STXBP5L: variants seen among roughly 807,000 people sequenced by gnomAD.
STXBP5L encodes the protein syntaxin binding protein 5L, also known as syntaxin-binding protein 5-like.
Under a neutral mutation model 144.5 loss-of-function variants are expected in STXBP5L, and 65 were observed. The ratio of observed to expected loss-of-function variants is 0.45; its 90% confidence interval spans 0.37 to 0.55. The LOEUF (loss-of-function observed/expected upper bound fraction) is 0.55, where lower values mean the gene tolerates loss of function less well. STXBP5L is among the 20% of genes least tolerant of loss of function. The pLI is 0.00. For synonymous variants in STXBP5L, 505 were observed against 469.6 expected, an observed-to-expected ratio of 1.08 and a Z score of -0.97; for missense variants, 1,298 against 1,405.5, an observed-to-expected ratio of 0.92 and a Z score of 1.22.
rs3863971 is a variant in STXBP5L, at chr3:121,036,772, ATTTT to A, written c.288-4911_288-4908del. ...TTGATAGGATGACTTACATTGATTG[ATTTT>A]TTTTTTTTTTTTTTTTATTATACTC... On this transcript the variant is annotated intron_variant, in intron 3 of 26. Coordinates refer to ENST00000471454, the MANE Select transcript of STXBP5L (RefSeq NM_001308330.2). 5.4e-3 allele frequency among the ~76,000 whole-genome samples: 664 copies of A among 122,180 alleles called. 2 individuals carry two copies. Among genetic ancestry groups the A allele is most frequent in the Middle Eastern group, 0.018 (4 of 226 alleles). 80.2% of individuals were successfully genotyped at this position (122,180 alleles called of 152,430 possible).
intron 20 of STXBP5L, among the ~76,000 whole-genome samples, chr3:121,329,239 G>A (rs187593086): frequency 6.6e-6 from 1 of 152,080 alleles, no homozygotes. Flanking sequence ...TTAAAAGATT[G>A]CTTTTTGAAA....
intron 9 of STXBP5L, among the ~76,000 whole-genome samples, chr3:121,185,720 G>A (rs191020771): frequency 3.3e-5 from 5 of 152,298 alleles, no homozygotes; most frequent in Admixed American, 3.3e-4. Context: ...ATAGTTCAAA[G>A]TCAGGTAGCA....
intron 2 of STXBP5L, among the ~76,000 whole-genome samples, chr3:120,943,214 A>G (rs1281062214): frequency 1.3e-5 from 2 of 151,766 alleles, no homozygotes; most frequent in South Asian, 2.1e-4. Context: ...AAAACAAACA[A>G]TCAGAATTAC....
At chr3:121,086,898 T>G (rs2042524702) in intron 5 of STXBP5L, among the ~76,000 whole-genome samples, 1 of 152,094 alleles carries the variant, frequency 6.6e-6, no homozygotes, top group Non-Finnish European at 1.5e-5. Context: ...TAAAATCACC[T>G]AATGATGCAT....
intron 5 of STXBP5L, among the ~76,000 whole-genome samples, chr3:121,079,185 GA>G (rs570452352): frequency 0.013 from 2,031 of 152,384 alleles, 20 homozygotes; most frequent in Non-Finnish European, 0.018. Context: ...CATATGTCCA[GA>G]AAGTCTGAGC....
intron 2 of STXBP5L, among the ~76,000 whole-genome samples, chr3:120,941,634 T>G (rs1190861423): frequency 6.6e-6 from 1 of 151,820 alleles, no homozygotes; most frequent in Non-Finnish European, 1.5e-5. Context: ...TTTATTACAA[T>G]TATTTACCTT....
At chr3:121,256,588 C>T (rs984314338) in intron 16 of STXBP5L, among the ~76,000 whole-genome samples, 2 of 151,596 alleles carry the variant, frequency 1.3e-5, no homozygotes, top group Non-Finnish European at 1.5e-5. Context: ...AAATAAACAA[C>T]CAAAAATATG....
intron 5 of STXBP5L, among the ~76,000 whole-genome samples, chr3:121,054,787 C>T (rs896751801): frequency 8.2e-5 from 9 of 110,336 alleles, no homozygotes; most frequent in Non-Finnish European, 1.1e-4. Flanking sequence ...TTTTTCTTTA[C>T]CAGTAAAATA....
At chr3:121,051,959 G>A (rs1342276645) in intron 5 of STXBP5L, among the ~76,000 whole-genome samples, 4 of 152,156 alleles carry the variant, frequency 2.6e-5, no homozygotes, top group Admixed American at 1.3e-4. Context: ...ACACCTCTAT[G>A]GAAATAAACT....
At chr3:121,217,870 C>T (rs765508423) in intron 10 of STXBP5L, among the ~76,000 whole-genome samples, 5 of 151,352 alleles carry the variant, frequency 3.3e-5, no homozygotes, top group Non-Finnish European at 5.9e-5. Flanking sequence ...GACTTTATGA[C>T]GTCTATTTTA....
chr3:121,042,655 A>G (rs547211329), intron 4 of STXBP5L, among the ~76,000 whole-genome samples: 3 of 152,286 alleles, frequency 2.0e-5, no homozygotes, highest in South Asian at 2.1e-4. Context: ...ACTTACAATT[A>G]TAAGTGTGGG....
intron 3 of STXBP5L, among the ~76,000 whole-genome samples, chr3:121,007,701 C>A (rs1369556326): frequency 6.6e-6 from 1 of 151,898 alleles, no homozygotes; most frequent in Non-Finnish European, 1.5e-5. Flanking sequence ...GCAGAATGAG[C>A]ATCAGTGGTT....
intron 5 of STXBP5L, among the ~76,000 whole-genome samples, chr3:121,070,679 C>A (rs2041770218): frequency 6.6e-6 from 1 of 152,088 alleles, no homozygotes; most frequent in Non-Finnish European, 1.5e-5. Flanking sequence ...ACATACCCCA[C>A]GACCCGAATA....
intron 20 of STXBP5L, among the ~76,000 whole-genome samples, chr3:121,358,287 A>AT (rs1443965076): frequency 3.5e-5 from 2 of 57,738 alleles, no homozygotes; most frequent in East Asian, 1.5e-3. Context: ...CCCTCTGGTA[A>AT]TTTTCGTATT....
intron 3 of STXBP5L, among the ~76,000 whole-genome samples, chr3:120,958,318 C>T (rs1341960273): frequency 6.6e-6 from 1 of 152,188 alleles, no homozygotes; most frequent in Non-Finnish European, 1.5e-5. Context: ...CAGCCGAATT[C>T]TACCAGAGGT....
intron 10 of STXBP5L, among the ~76,000 whole-genome samples, chr3:121,212,167 C>G (rs2048599201): frequency 6.6e-6 from 1 of 152,080 alleles, no homozygotes; most frequent in Non-Finnish European, 1.5e-5. Context: ...TGTAGGTTGC[C>G]TGTTCACTCT....
chr3:121,045,687 G>A (rs916013031), intron 5 of STXBP5L, 152 bp downstream of exon 5: 10 of 714,228 alleles, frequency 1.4e-5, no homozygotes, highest in Non-Finnish European at 2.0e-5. Flanking sequence ...TTTCTTTTTT[G>A]TAGAAAATGC....
chr3:120,914,819 C>T (rs1709024895), intron 2 of STXBP5L, among the ~76,000 whole-genome samples: 1 of 152,078 alleles, frequency 6.6e-6, no homozygotes, highest in Admixed American at 6.6e-5. Flanking sequence ...AATTAATCTA[C>T]CATTAAGACT....
At chr3:120,954,430 C>A (rs1321415510) in intron 2 of STXBP5L, among the ~76,000 whole-genome samples, 6 of 152,058 alleles carry the variant, frequency 3.9e-5, no homozygotes, top group Non-Finnish European at 7.4e-5. Context: ...TTGTGTATGG[C>A]TTCTTAGCAT....
Sources: gnomAD v4.1 joint callset for allele counts (sites outside exome capture counted in the v4.1 genomes callset) on GRCh38, gnomAD v4.1.1 for gene constraint, MANE v1.5 for transcripts, NCBI Gene and HGNC (gene_info 2026-07-23, HGNC 2026-07-21) for gene names.